Variants in MBTPS1 observed in about 807,000 individuals in gnomAD.
MBTPS1 encodes the protein membrane-bound transcription factor site-1 protease.
Under a neutral mutation model 127.8 loss-of-function variants are expected in MBTPS1, and 94 were observed. That is an observed-to-expected ratio of 0.74 (90% CI 0.62 to 0.87). The LOEUF is 0.87. MBTPS1 is among the 40% of genes least tolerant of loss of function. MBTPS1 has a pLI of 0.00. For missense variants in MBTPS1, 1,636 were observed against 1,353.2 expected (o/e 1.21, Z -3.28); for synonymous variants, 632 against 509.4 (o/e 1.24, Z -3.24).
At position 84,093,846 on chromosome 16, in the gene MBTPS1, C is replaced by T. The variant is rs2086144102; in HGVS notation, c.626-25G>A. On this transcript the variant is annotated intron_variant, in intron 4 of 22. Transcript: ENST00000343411. ...CCTTATTCGGAAAAGAAAGCAAACA[C>T]AATTATGTTTGAAGAAATCATCATT... 4.8e-6 allele frequency: 7 copies of T among 1,450,914 alleles called. No homozygotes were observed. The South Asian group carries it at 5.7e-5, about 12-fold the overall frequency. 89.9% of individuals were successfully genotyped at this position (1,450,914 alleles called of 1,614,324 possible). A position where few individuals can be genotyped will look rare whatever the true frequency, so the allele number is the denominator to read the frequency against.
chr16:84,099,455 G>C, intron 2 of MBTPS1, 145 bp from the exon 3 acceptor site: 1 of 816,506 alleles, frequency 1.2e-6, no homozygotes, highest in Non-Finnish European at 1.9e-6. Flanking sequence ...ACTAGTTTAA[G>C]TACCTAGACA....
At chr16:84,113,427 A>C (rs1029327742) in intron 1 of MBTPS1, among the ~76,000 whole-genome samples, 3 of 152,348 alleles carry the variant, frequency 2.0e-5, no homozygotes, top group Admixed American at 6.5e-5. Context: ...TTTGACATCA[A>C]GTACTAACTG....
chr16:84,063,444 T>C lies in MBTPS1; in HGVS notation c.2433A>G (p.Gly811=), dbSNP rs752959333. Residue 811 remains glycine, a splice_region_variant and synonymous_variant, in exon 19 of 23, where the codon GGA becomes GGG. Coordinates refer to ENST00000343411, the MANE Select transcript of MBTPS1 (RefSeq NM_003791.4). ...CTGTTTCCTGCTTTAAAACCTCCAA[T>C]CCTGAAACAACACAACAAAAAACAA... ...VVITQTFKDQ[G]LEVLKQETAV... is the part of the protein sequence containing the mutation. 2.5e-6 allele frequency: 4 copies of C among 1,613,004 alleles called. No individual in the cohort carries two copies. The South Asian group carries it at 4.4e-5, about 18-fold the overall frequency.
At chr16:84,084,481 C>T (rs2085989084) in intron 10 of MBTPS1, among the ~76,000 whole-genome samples, 1 of 152,216 alleles carries the variant, frequency 6.6e-6, no homozygotes, top group African/African-American at 2.4e-5. Flanking sequence ...ATTCGTTTCA[C>T]TAGAGTAACC....
chr16:84,111,253 A>T (rs928157151), intron 1 of MBTPS1, among the ~76,000 whole-genome samples: 1 of 152,198 alleles, frequency 6.6e-6, no homozygotes, highest in Non-Finnish European at 1.5e-5. Context: ...TGAAAGCAAC[A>T]GGCTGGCTGG....
chr16:84,107,839 G>C (rs199636224), intron 1 of MBTPS1, among the ~76,000 whole-genome samples: 1 of 151,472 alleles, frequency 6.6e-6, no homozygotes, highest in Admixed American at 6.6e-5. Flanking sequence ...CAAGTTGCAC[G>C]GACTACAATA....
At chr16:84,060,514 G>T in intron 20 of MBTPS1, 168 bp downstream of exon 20, 1 of 684,456 alleles carries the variant, frequency 1.5e-6, no homozygotes, top group Non-Finnish European at 2.4e-6. Flanking sequence ...ATGGCCTCTC[G>T]GCAGGTTAGA....
At chr16:84,062,894 A>G in intron 19 of MBTPS1, among the ~76,000 whole-genome samples, 1 of 152,192 alleles carries the variant, frequency 6.6e-6, no homozygotes, top group Non-Finnish European at 1.5e-5. Flanking sequence ...CCAGCCCTCC[A>G]GTAAAAGAGT....
chr16:84,068,433 G>C lies in MBTPS1; in HGVS notation c.1977C>G (p.Thr659=). The C allele has an allele frequency of 6.2e-7, 1 of 1,613,474 alleles. No individual in the cohort carries two copies. Among genetic ancestry groups the C allele is most frequent in the Non-Finnish European group, 8.5e-7 (1 of 1,179,346 alleles). Residue 659 remains threonine, a synonymous_variant, in exon 15 of 23, where the codon ACC becomes ACG. Transcript: ENST00000343411. ...PLDWNGDHIH[T]NFRDMYQHLR... ...GATGCTGGTACATATCCCTGAAATTGGTGTGGATGTGATCACCATTCCTGA... is the reference window on the plus strand; with the variant it reads ...GATGCTGGTACATATCCCTGAAATTCGTGTGGATGTGATCACCATTCCTGA...
At chr16:84,105,086 C>T (rs2086304863) in intron 1 of MBTPS1, among the ~76,000 whole-genome samples, 1 of 150,870 alleles carries the variant, frequency 6.6e-6, no homozygotes, top group Non-Finnish European at 1.5e-5. Context: ...GCCTGGGTGA[C>T]AGCGAGACTC....
At chr16:84,068,558 A>T (rs761886274) in intron 14 of MBTPS1, 104 bp from the exon 15 acceptor site, 3 of 782,262 alleles carry the variant, frequency 3.8e-6, no homozygotes, top group South Asian at 3.1e-5. Flanking sequence ...GCCATGGCCC[A>T]CAGAGAAGGC....
intron 11 of MBTPS1, among the ~76,000 whole-genome samples, chr16:84,077,249 A>AGAGAGAG (rs57906119): frequency 3.6e-5 from 5 of 138,784 alleles, no homozygotes; most frequent in Admixed American, 7.7e-5. Flanking sequence ...AAAAAAAAAA[A>AGAGAGAG]AGAGAGAGAG....
intron 1 of MBTPS1, among the ~76,000 whole-genome samples, chr16:84,111,786 TGGTCATTTGTTACAATAGAAATATGG>T (rs1040895793): frequency 6.6e-6 from 1 of 152,092 alleles, no homozygotes; most frequent in Non-Finnish European, 1.5e-5. Flanking sequence ...CCACTGTTTG[TGGTCATTTGTTACAATAGAAATATGG>T]GGAAATGCTA....
chr16:84,059,046 G>T (rs1377454043), intron 21 of MBTPS1, among the ~76,000 whole-genome samples: 1 of 152,156 alleles, frequency 6.6e-6, no homozygotes, highest in Non-Finnish European at 1.5e-5. Flanking sequence ...CACTCTGTTG[G>T]ATCCCAGCTT....
chr16:84,082,073 A>AT, intron 10 of MBTPS1, 165 bp from the exon 11 acceptor site: 4 of 437,534 alleles, frequency 9.1e-6, no homozygotes, highest in Non-Finnish European at 1.6e-5. Context: ...GTGCACACTC[A>AT]TCTCTGTACC....
At chr16:84,059,547 T>A (rs2280023) in intron 20 of MBTPS1, 119 bp from the exon 21 acceptor site, 3 of 905,238 alleles carry the variant, frequency 3.3e-6, no homozygotes, top group Non-Finnish European at 5.0e-6. Context: ...ACAGAGCCCC[T>A]GTGCTCTATT....
In MBTPS1 at chr16:84,099,185, A is replaced by G; in HGVS notation, c.289T>C (p.Tyr97His). 1.2e-6 allele frequency: 2 copies of G among 1,614,186 alleles called. No homozygotes were observed. Among genetic ancestry groups the G allele is most frequent in the Non-Finnish European group, 1.7e-6 (2 of 1,180,036 alleles). ...TGAATCACCTCAAAATCACTAGGGTAGTCACTGGATGGATTGTTTCGAGGT... is the reference window on the plus strand; with the variant it reads ...TGAATCACCTCAAAATCACTAGGGTGGTCACTGGATGGATTGTTTCGAGGT... ...IIPRNNPSSD[Y>H]PSDFEVIQIK... is the part of the protein sequence containing the mutation. Residue 97 changes from tyrosine to histidine, a missense_variant, in exon 3 of 23, where the codon TAC (tyrosine) becomes CAC (histidine). By Grantham distance (83) the Tyr-to-His change is moderately conservative. Coordinates refer to ENST00000343411, the MANE Select transcript of MBTPS1 (RefSeq NM_003791.4).
At chr16:84,063,542 T>C in intron 18 of MBTPS1, 97 bp from the exon 19 acceptor site, 2 of 1,197,594 alleles carry the variant, frequency 1.7e-6, no homozygotes, top group South Asian at 3.0e-5. Context: ...AAACCACATT[T>C]ACAAAATCTA....
chr16:84,057,001 T>C (rs1187837484), intron 21 of MBTPS1: 1 of 152,246 alleles, frequency 6.6e-6, no homozygotes, highest in Non-Finnish European at 1.5e-5. Context: ...TTTTCTGTTA[T>C]TTATTCATTT....
Sources: gnomAD v4.1 joint callset for allele counts (sites outside exome capture counted in the v4.1 genomes callset) on GRCh38, gnomAD v4.1.1 for gene constraint, MANE v1.5 for transcripts, NCBI Gene and HGNC (gene_info 2026-07-23, HGNC 2026-07-21) for gene names.